CCDC82: variants seen among roughly 807,000 people sequenced by gnomAD.
The protein encoded by CCDC82 is coiled-coil domain-containing protein 82.
A neutral mutation model predicts 60.6 loss-of-function variants in CCDC82; 47 were observed. The ratio of observed to expected loss-of-function variants is 0.77; its 90% CI spans 0.61 to 0.99. The LOEUF is 0.99. CCDC82 is among the 50% of genes least tolerant of loss of function. The pLI is 0.00. For missense variants in CCDC82, 588 were observed against 633.0 expected, an observed-to-expected ratio of 0.93 and a Z score of 0.76; for synonymous variants, 212 against 207.4, an observed-to-expected ratio of 1.02 and a Z score of -0.19.
chr11:96,384,707 T>G lies in CCDC82; in HGVS notation c.41A>C (p.Lys14Thr), dbSNP rs1202072398. Residue 14 changes from lysine to threonine, a missense_variant, in exon 4 of 10, where the codon AAG (lysine) becomes ACG (threonine). Transcript: ENST00000646818. Reference protein sequence around the residue: ...VRRHETRRNSKSHVPEQKSRV... With the variant: ...VRRHETRRNSTSHVPEQKSRV... ...AGATTTCTGCTCAGGCACGTGACTC[T>G]TAGAATTTCTCCTTGTTTCATGTCT... 1.1e-5 allele frequency: 17 copies of G among 1,609,444 alleles called. 1 individual carries two copies. In the East Asian group the frequency reaches 3.3e-4, roughly 32 times the overall value.
Position 96,373,477 on chromosome 11 carries a change from A to T in CCDC82, c.992-10T>A. 6.6e-7 allele frequency: 1 copy of T among 1,511,872 alleles called. No homozygotes were observed. Among genetic ancestry groups the T allele is most frequent in the Non-Finnish European group, 9.1e-7 (1 of 1,093,964 alleles). 93.7% of individuals were successfully genotyped at this position (1,511,872 alleles called of 1,614,324 possible). A position where few individuals can be genotyped will look rare whatever the true frequency, so the allele number is the denominator to read the frequency against. ...TGGTCACTAAAAGAATCTGAAATTAATTTCAAATAAATATTAGAACAGAGC... is the reference window on the plus strand; with the variant it reads ...TGGTCACTAAAAGAATCTGAAATTATTTTCAAATAAATATTAGAACAGAGC... On this transcript the variant is annotated splice_polypyrimidine_tract_variant and intron_variant, in intron 5 of 9. Coordinates refer to ENST00000646818, the MANE Select transcript of CCDC82 (RefSeq NM_024725.4).
chr11:96,386,421 T>C (rs1320809861), intron 2 of CCDC82, 128 bp from the exon 3 acceptor site: 5 of 152,184 alleles, frequency 3.3e-5, no homozygotes, highest in Non-Finnish European at 7.3e-5. Context: ...CTGCCAAAAT[T>C]ATACAGCAGA....
At chr11:96,387,736 C>T (rs1866278118) in intron 1 of CCDC82, 123 bp from the exon 2 acceptor site, 1 of 152,202 alleles carries the variant, frequency 6.6e-6, no homozygotes, top group African/African-American at 2.4e-5. Flanking sequence ...TTAGAGTTTA[C>T]AAATATGCTT....
In CCDC82 at chr11:96,358,993, C is replaced by G. The variant is rs752005830; in HGVS notation, c.1566G>C (p.Glu522Asp). ...TAAGATTCTCATATATTCACCTTAC[C>G]TCCTTAATCCAGCCATTTTCTTTTG... The part of the protein sequence containing the change: ...RRSKENGWIK[E>D]KYGQLEEYLN... Residue 522 changes from glutamate (E) to aspartate (D), a missense_variant and splice_region_variant, in exon 9 of 10, where the codon GAG becomes GAC. Glu to Asp is a conservative substitution (Grantham distance 45). Transcript: ENST00000646818. The G allele has an allele frequency of 6.2e-7, 1 of 1,602,956 alleles. No individual in the cohort carries two copies. Among genetic ancestry groups the G allele is most frequent in the Non-Finnish European group, 8.5e-7 (1 of 1,176,420 alleles).
intron 5 of CCDC82, among the ~76,000 whole-genome samples, chr11:96,378,197 TCCA>T (rs577672008): frequency 2.3e-4 from 35 of 152,178 alleles, no homozygotes; most frequent in African/African-American, 8.2e-4. Flanking sequence ...TCTACTGCTT[TCCA>T]TAGACTTTAT....
chr11:96,384,252 G>C lies in CCDC82; in HGVS notation c.496C>G (p.Gln166Glu). 6.2e-7 allele frequency: 1 copy of C among 1,613,392 alleles called. No homozygotes were observed. Among genetic ancestry groups the C allele is most frequent in the South Asian group, 1.1e-5 (1 of 91,046 alleles). Residue 166 changes from glutamine (Q) to glutamate (E), a missense_variant, in exon 4 of 10, where the codon CAA (glutamine) becomes GAA (glutamate). Coordinates refer to ENST00000646818, the MANE Select transcript of CCDC82 (RefSeq NM_024725.4). The part of the protein sequence containing the change: ...EDNDLNKQTG[Q>E]IIEDDLEEED... ...TCTTCTAAATCATCCTCTATTATTT[G>C]TCCAGTTTGTTTGTTGAGATCATTA...
In CCDC82 at chr11:96,359,055, GTTCATC is replaced by G; in HGVS notation, c.1498_1503del (p.Asp500_Glu501del). 6.2e-7 allele frequency: 1 copy of G among 1,607,680 alleles called. No individual in the cohort carries two copies. The highest frequency in any genetic ancestry group is 8.5e-7 in the Non-Finnish European group (1 of 1,178,258). ...ATTCTTTCCACTGTTTCTTTAACTTGTTCATCTTCAACTTCTTCTGTCATTGCAATG... is the reference window on the plus strand; with the variant it reads ...ATTCTTTCCACTGTTTCTTTAACTTGTTCAACTTCTTCTGTCATTGCAATG... On this transcript the variant is annotated inframe_deletion, in exon 9 of 10. Transcript: ENST00000646818.
At chr11:96,376,757 A>G (rs1407470035) in intron 5 of CCDC82, among the ~76,000 whole-genome samples, 1 of 152,120 alleles carries the variant, frequency 6.6e-6, no homozygotes, top group African/African-American at 2.4e-5. Flanking sequence ...AGGCTTAGGA[A>G]CTTTATTTTG....
At chr11:96,362,125 T>G (rs1237161196) in intron 8 of CCDC82, among the ~76,000 whole-genome samples, 1 of 152,222 alleles carries the variant, frequency 6.6e-6, no homozygotes, top group Non-Finnish European at 1.5e-5. Flanking sequence ...ATTTAACAGC[T>G]ATATCACATG....
intron 6 of CCDC82, 44 bp downstream of exon 6, chr11:96,373,331 A>G (rs753049916): frequency 6.3e-6 from 8 of 1,269,094 alleles, no homozygotes; most frequent in Non-Finnish European, 9.0e-6. Flanking sequence ...TAAAATTGGA[A>G]AAAGAAATAA....
chr11:96,365,213 T>A, intron 7 of CCDC82, 63 bp from the exon 8 acceptor site: 1 of 1,116,706 alleles, frequency 9.0e-7, no homozygotes, highest in Non-Finnish European at 1.2e-6. Flanking sequence ...AGTAAGAATC[T>A]AACCAATTAA....
intron 5 of CCDC82, 65 bp downstream of exon 5, chr11:96,383,204 A>G (rs777582342): frequency 5.5e-5 from 52 of 940,360 alleles, no homozygotes; most frequent in Non-Finnish European, 8.6e-5. Context: ...TTAAAAGGCT[A>G]ATTTGATACT....
At chr11:96,364,817 G>A (rs766010314) in intron 8 of CCDC82, 163 bp downstream of exon 8, 91 of 565,802 alleles carry the variant, frequency 1.6e-4, no homozygotes, top group Middle Eastern at 4.8e-4. Flanking sequence ...TCTCCTATTA[G>A]ATGAACAGCT....
chr11:96,379,124 T>C (rs1365119677), intron 5 of CCDC82, among the ~76,000 whole-genome samples: 1 of 151,960 alleles, frequency 6.6e-6, no homozygotes, highest in Non-Finnish European at 1.5e-5. Context: ...ACTAGCCTAA[T>C]TACAACTTAA....
At position 96,384,468 on chromosome 11, in the gene CCDC82, C is replaced by T; in HGVS notation, c.280G>A (p.Gly94Arg). ...TTAATGAGACACTTACTGTCATTTC[C>T]TTCACTTTGAATTTTACTTAAGTTG... ...ELNLSKIQSE[G>R]NDSKCLINSG... Residue 94 changes from glycine to arginine, a missense_variant, in exon 4 of 10, where the codon GGA becomes AGA. Coordinates refer to ENST00000646818, the MANE Select transcript of CCDC82 (RefSeq NM_024725.4). The T allele has an allele frequency of 6.2e-7, 1 of 1,613,720 alleles. No homozygotes were observed. Among genetic ancestry groups the T allele is most frequent in the Non-Finnish European group, 8.5e-7 (1 of 1,179,782 alleles).
chr11:96,386,409 G>T (rs1270147003), intron 2 of CCDC82, 116 bp from the exon 3 acceptor site: 1 of 151,972 alleles, frequency 6.6e-6, no homozygotes, highest in African/African-American at 2.4e-5. Flanking sequence ...TCAGAACGGG[G>T]GCTGCCAAAA....
chr11:96,362,631 T>C (rs1184493680), intron 8 of CCDC82, among the ~76,000 whole-genome samples: 1 of 152,126 alleles, frequency 6.6e-6, no homozygotes, highest in Non-Finnish European at 1.5e-5. Context: ...TTCCTTCTCA[T>C]CTATGTCCTT....
rs915126153 is a variant in CCDC82 at position 96,383,300 on chromosome 11, T to C, written c.960A>G (p.Ser320=). 6.2e-7 allele frequency: 1 copy of C among 1,600,336 alleles called. No individual in the cohort carries two copies. The highest frequency in any genetic ancestry group is 1.3e-5 in the African/African-American group (1 of 74,802). ...AATTCTGTTTTACTAATTTCAGTTG[T>C]GATGTAGTCAATTTTTCTCCTTGTT... is the stretch of plus-strand genomic sequence containing the variant. ...KNQQGEKLTT[S]QLKLVKQNSL... Residue 320 remains serine, a synonymous_variant, in exon 5 of 10, where the codon TCA becomes TCG. Coordinates refer to ENST00000646818, the MANE Select transcript of CCDC82 (RefSeq NM_024725.4).
In CCDC82 at chr11:96,383,957, C is replaced by A. The variant is rs772653189; in HGVS notation, c.786+5G>T. On this transcript the variant is annotated splice_donor_5th_base_variant and intron_variant, in intron 4 of 9. Coordinates refer to ENST00000646818, the MANE Select transcript of CCDC82 (RefSeq NM_024725.4). Reference sequence around the variant, plus strand: ...CAATAACAAATCCAACAAAATATAACACACCTCAAAATCTCTACCACTACT... The same window carrying A: ...CAATAACAAATCCAACAAAATATAAAACACCTCAAAATCTCTACCACTACT... 6.3e-7 allele frequency: 1 copy of A among 1,588,972 alleles called. No homozygotes were observed. The highest frequency in any genetic ancestry group is 8.5e-7 in the Non-Finnish European group (1 of 1,170,728).
Sources: gnomAD v4.1 joint callset for allele counts (sites outside exome capture counted in the v4.1 genomes callset) on GRCh38, gnomAD v4.1.1 for gene constraint, MANE v1.5 for transcripts, NCBI Gene and HGNC (gene_info 2026-07-23, HGNC 2026-07-21) for gene names.